AHCTF1: variants seen among roughly 807,000 people sequenced by gnomAD.
The protein encoded by AHCTF1 is AT-hook containing transcription factor 1, also known as protein ELYS.
A neutral mutation model predicts 248.4 loss-of-function variants in AHCTF1; 24 were observed. That is an observed-to-expected ratio of 0.10 (90% CI 0.07 to 0.14). The LOEUF (loss-of-function observed/expected upper bound fraction) is 0.14, where lower values mean the gene tolerates loss of function less well. AHCTF1 is among the 10% of genes least tolerant of loss of function. AHCTF1 has a pLI of 1.00. For missense variants in AHCTF1, 2,206 were observed against 2,636.2 expected (o/e 0.84, Z 3.57); for synonymous variants, 786 against 929.8 (o/e 0.85, Z 2.81).
At chr1:246,858,366 AACTT>A (rs1357835474) in intron 29 of AHCTF1, among the ~76,000 whole-genome samples, 2 of 152,310 alleles carry the variant, frequency 1.3e-5, no homozygotes, top group East Asian at 1.9e-4. Flanking sequence ...TATATACATT[AACTT>A]ACTTAATCCT....
At position 246,849,704 on chromosome 1, in the gene AHCTF1, G is replaced by A. The variant is rs780965250; in HGVS notation, c.6302C>T (p.Ser2101Phe). The A allele has an allele frequency of 9.3e-6, 15 of 1,613,984 alleles. No homozygotes were observed. The Admixed American group carries it at 2.5e-4, about 27-fold the overall frequency. The part of the protein sequence containing the change: ...TKSSRSSRTR[S>F]SKAILLPDLS... ...GTCCGGCAACAAGATGGCCTTGCTA[G>A]ACCGAGTCCTGCTGCTGCGGGATGA... Residue 2101 changes from serine to phenylalanine, a missense_variant, in exon 33 of 36, where the codon TCT (serine) becomes TTT (phenylalanine). Physicochemically the swap from Ser to Phe is radical, Grantham distance 155. This residue lies in a region of AHCTF1 where 469 missense variants were observed against 470.0 expected (regional missense o/e 1.00). Transcript: ENST00000648844.
At chr1:246,851,560 A>G (rs533630525) in intron 32 of AHCTF1, 118 bp from the exon 33 acceptor site, 1 of 853,324 alleles carries the variant, frequency 1.2e-6, no homozygotes, top group South Asian at 1.9e-5. Context: ...ATTATATTTA[A>G]TATGGCATAT....
chr1:246,842,595 AAAAAT>A (rs1193420291), intron 35 of AHCTF1, 94 bp downstream of exon 35: 67 of 942,412 alleles, frequency 7.1e-5, no homozygotes, highest in Admixed American at 1.3e-4. Flanking sequence ...AAAAATAAAT[AAAAAT>A]AAAATAAAAT....
intron 6 of AHCTF1, 99 bp downstream of exon 6, chr1:246,905,442 A>C (rs1251727917): frequency 2.2e-6 from 2 of 899,948 alleles, no homozygotes; most frequent in Non-Finnish European, 3.6e-6. Context: ...GGTTGCAGTG[A>C]GCCGAAATCA....
chr1:246,861,371 A>G, intron 28 of AHCTF1, 76 bp from the exon 29 acceptor site: 1 of 1,258,074 alleles, frequency 7.9e-7, no homozygotes. Flanking sequence ...ACCCATCCCA[A>G]TCATACCCAT....
chr1:246,864,147 T>C (rs1215162459), intron 26 of AHCTF1, 31 bp from the exon 27 acceptor site: 2 of 1,593,624 alleles, frequency 1.3e-6, no homozygotes, highest in Non-Finnish European at 1.7e-6. Context: ...TATTGAGTTA[T>C]ACTGAAAAAA....
At position 246,862,022 on chromosome 1, in the gene AHCTF1, T is replaced by A; in HGVS notation, c.3672A>T (p.Gln1224His). Reference protein sequence around the residue: ...SPSPSPGRSPQRLKETRISFV... With the variant: ...SPSPSPGRSPHRLKETRISFV... ...ATGAAATTCTAGTTTCTTTAAGTCG[T>A]TGAGGAGACCTTCCAGGTGATGGAG... The change falls in exon 28 of 36, where the codon CAA (glutamine) becomes CAT (histidine). Residue 1224 changes from glutamine to histidine, a missense_variant. Gln to His is a conservative substitution (Grantham distance 24). This residue lies in a region of AHCTF1 where 955 missense variants were observed against 1,055.6 expected (regional missense o/e 0.90). Coordinates refer to ENST00000648844, the MANE Select transcript of AHCTF1 (RefSeq NM_001323342.2). 6.2e-7 allele frequency: 1 copy of A among 1,613,820 alleles called. No homozygotes were observed. The highest frequency in any genetic ancestry group is 8.5e-7 in the Non-Finnish European group (1 of 1,179,772).
Position 246,898,621 on chromosome 1 carries a change from AACACACACAC to A in AHCTF1, c.1495-295_1495-286del, listed in dbSNP as rs74163703. ...GACAGATTTGGTGACATCTTGACAA[AACACACACAC>A]ACACACACACACACACACACACACA... On this transcript the variant is annotated intron_variant, in intron 11 of 35. Coordinates refer to ENST00000648844, the MANE Select transcript of AHCTF1 (RefSeq NM_001323342.2). 4.0e-3 allele frequency among the ~76,000 whole-genome samples: 581 copies of A among 147,086 alleles called. 5 individuals carry two copies. Among genetic ancestry groups the A allele is most frequent in the African/African-American group, 8.6e-3 (345 of 39,926 alleles).
At chr1:246,887,447 TAA>T (rs547468350) in intron 19 of AHCTF1, 90 bp from the exon 20 acceptor site, 2 of 1,298,566 alleles carry the variant, frequency 1.5e-6, no homozygotes, top group Non-Finnish European at 2.1e-6. Flanking sequence ...AATGTAGCAT[TAA>T]AAGAGACTTG....
chr1:246,852,973 A>G (rs573754294), intron 32 of AHCTF1, 118 bp downstream of exon 32: 5 of 703,514 alleles, frequency 7.1e-6, no homozygotes, highest in South Asian at 2.2e-5. Context: ...ATTTTTATAA[A>G]TAAGTTTTTA....
At chr1:246,880,768 T>G (rs1207765574) in intron 21 of AHCTF1, among the ~76,000 whole-genome samples, 1 of 152,170 alleles carries the variant, frequency 6.6e-6, no homozygotes, top group Non-Finnish European at 1.5e-5. Flanking sequence ...TACTTTCAAC[T>G]TCAAGAAATC....
At chr1:246,907,961 A>C (rs1296887801) in intron 4 of AHCTF1, among the ~76,000 whole-genome samples, 1 of 152,158 alleles carries the variant, frequency 6.6e-6, no homozygotes, top group African/African-American at 2.4e-5. Context: ...TTTAAAAAAC[A>C]CATTCAATTA....
chr1:246,860,773 T>G, intron 29 of AHCTF1, 126 bp downstream of exon 29: 86 of 1,279,468 alleles, frequency 6.7e-5, no homozygotes, highest in Non-Finnish European at 8.6e-5. Flanking sequence ...CCCAAAGTGC[T>G]GAGATTAACT....
chr1:246,868,975 G>A (rs1050158958), intron 24 of AHCTF1, among the ~76,000 whole-genome samples: 3 of 142,854 alleles, frequency 2.1e-5, no homozygotes, highest in South Asian at 2.1e-4. Flanking sequence ...CTGCTGAGTA[G>A]CTGGGACTAC....
intron 4 of AHCTF1, among the ~76,000 whole-genome samples, chr1:246,909,621 T>C (rs565267315): frequency 6.6e-6 from 1 of 152,212 alleles, no homozygotes; most frequent in Non-Finnish European, 1.5e-5. Context: ...ACAAGAGTGG[T>C]CATGCTGGCA....
At chr1:246,898,462 A>G (rs1664758371) in intron 11 of AHCTF1, 126 bp from the exon 12 acceptor site, 3 of 1,040,706 alleles carry the variant, frequency 2.9e-6, no homozygotes, top group East Asian at 2.7e-5. Context: ...ATGAAAGACT[A>G]TATTTCCTGC....
intron 17 of AHCTF1, among the ~76,000 whole-genome samples, chr1:246,889,648 A>G (rs1301529853): frequency 6.6e-6 from 1 of 152,182 alleles, no homozygotes; most frequent in Non-Finnish European, 1.5e-5. Context: ...CCTGGAATCA[A>G]CGTTTGTGGC....
chr1:246,888,420 C>G lies in AHCTF1; in HGVS notation c.2242G>C (p.Gly748Arg). The G allele has an allele frequency of 6.2e-7, 1 of 1,612,828 alleles. No individual in the cohort carries two copies. ...TGCAGACTAGCAGGAGGATATTTTC[C>G]TGTGCCTCCTTCATCTCGTTTCCAC... is the stretch of plus-strand genomic sequence containing the variant. Reference protein sequence around the residue: ...KLWKRDEGGTGKYPPASLHAV... With the variant: ...KLWKRDEGGTRKYPPASLHAV... The change falls in exon 18 of 36, where the codon GGA becomes CGA. Residue 748 changes from glycine (G) to arginine (R), a missense_variant. Physicochemically the swap from Gly to Arg is moderately radical, Grantham distance 125. This residue lies in a region of AHCTF1 where 650 missense variants were observed against 870.8 expected (regional missense o/e 0.75). Transcript: ENST00000648844.
intron 27 of AHCTF1, 151 bp from the exon 28 acceptor site, chr1:246,862,304 C>A (rs981485624): frequency 4.3e-5 from 20 of 461,914 alleles, no homozygotes; most frequent in African/African-American, 4.1e-4. Context: ...CACGGTGAAA[C>A]CCCGTCTCTA....
Sources: allele counts gnomAD v4.1 joint callset (sites outside exome capture counted in the v4.1 genomes callset), GRCh38; gene constraint gnomAD v4.1.1; regional missense constraint gnomAD v4.1.1; transcripts MANE v1.5; gene names NCBI Gene and HGNC (gene_info 2026-07-23, HGNC 2026-07-21).